SREBF2: variants seen among roughly 807,000 people sequenced by gnomAD.
The protein encoded by SREBF2 is sterol regulatory element binding transcription factor 2, also known as sterol regulatory element-binding protein 2.
Under a neutral mutation model 113.1 loss-of-function variants are expected in SREBF2, and 55 were observed. The observed-to-expected ratio is 0.49, with a 90% CI of 0.39 to 0.61. SREBF2 has a LOEUF of 0.61. Among genes scored for constraint, SREBF2 ranks in the 20% least tolerant of loss-of-function variants. The pLI is 0.00. For missense variants in SREBF2, 1,349 were observed against 1,487.4 expected (o/e 0.91, Z 1.53); for synonymous variants, 593 against 605.7 (o/e 0.98, Z 0.31).
At chr22:41,891,733 G>A (rs2077364988) in intron 11 of SREBF2, among the ~76,000 whole-genome samples, 1 of 152,188 alleles carries the variant, frequency 6.6e-6, no homozygotes, top group African/African-American at 2.4e-5. Context: ...CGGCCTGGCA[G>A]CCCCGCCCCT....
At chr22:41,843,691 A>T (rs1222475724) in intron 1 of SREBF2, among the ~76,000 whole-genome samples, 2 of 152,074 alleles carry the variant, frequency 1.3e-5, no homozygotes, top group African/African-American at 4.8e-5. Context: ...TTTATTCAAC[A>T]TGTGTTTATC....
rs1479873492 is a variant in SREBF2 at position 41,906,967 on chromosome 22, A to C, written c.*1307A>C. The C allele has an allele frequency of 1.3e-5, 2 of 152,136 alleles. No homozygotes were observed. Among genetic ancestry groups the C allele is most frequent in the Non-Finnish European group, 2.9e-5 (2 of 68,044 alleles). 9.4% of individuals were successfully genotyped at this position (152,136 alleles called of 1,614,324 possible). A position where few individuals can be genotyped will look rare whatever the true frequency, so the allele number is the denominator to read the frequency against. ...CCCTGCCTCCCTGTGCCTCATCCTCAGGCTGGTTGGAGCAGAGGGTGGGCA... is the reference window on the plus strand; with the variant it reads ...CCCTGCCTCCCTGTGCCTCATCCTCCGGCTGGTTGGAGCAGAGGGTGGGCA... On this transcript the variant is annotated 3_prime_UTR_variant, in exon 19 of 19. Transcript: ENST00000361204.
chr22:41,894,684 G>A, intron 12 of SREBF2, 136 bp from the exon 13 acceptor site: 1 of 809,624 alleles, frequency 1.2e-6, no homozygotes, highest in South Asian at 1.3e-5. Context: ...TAGCACAGTA[G>A]TTCTGGGCTT....
At chr22:41,888,590 C>T (rs755486093) in intron 11 of SREBF2, among the ~76,000 whole-genome samples, 1 of 152,170 alleles carries the variant, frequency 6.6e-6, no homozygotes, top group Non-Finnish European at 1.5e-5. Context: ...TTGGGTGTTT[C>T]TTTGTAGCCT....
chr22:41,905,073 TGC>T (rs1252400648), intron 18 of SREBF2, 99 bp downstream of exon 18: 4 of 1,127,090 alleles, frequency 3.5e-6, no homozygotes, highest in Non-Finnish European at 5.1e-6. Context: ...CTGGCATTGG[TGC>T]CCAGCACACC....
chr22:41,861,578 C>T lies in SREBF2; in HGVS notation c.89-5253C>T, dbSNP rs573373792. 2.0e-5 allele frequency among the ~76,000 whole-genome samples: 3 copies of T among 151,732 alleles called. No individual in the cohort carries two copies. The South Asian group carries it at 6.2e-4, about 32-fold the overall frequency. ...TATTTTTGTTCTTTTCATTTATATG[C>T]TTTCTAAATTTTTCTTTAGTGAATA... On this transcript the variant is annotated intron_variant, in intron 1 of 18. Coordinates refer to ENST00000361204, the MANE Select transcript of SREBF2 (RefSeq NM_004599.4).
chr22:41,838,466 C>T (rs1430496796), intron 1 of SREBF2, among the ~76,000 whole-genome samples: 1 of 127,290 alleles, frequency 7.9e-6, no homozygotes, highest in Non-Finnish European at 1.9e-5. Context: ...GGCTCAGTGG[C>T]TCATGCCTGT....
chr22:41,867,905 C>T (rs1223915976), intron 2 of SREBF2, among the ~76,000 whole-genome samples: 1 of 152,200 alleles, frequency 6.6e-6, no homozygotes, highest in East Asian at 1.9e-4. Context: ...GGCTAGGCGG[C>T]AGCCAGATCT....
In SREBF2 at chr22:41,884,975, C is replaced by G; in HGVS notation, c.2172C>G (p.Leu724=). The G allele has an allele frequency of 1.2e-6, 2 of 1,614,202 alleles. No individual in the cohort carries two copies. Among genetic ancestry groups the G allele is most frequent in the Non-Finnish European group, 1.7e-6 (2 of 1,180,038 alleles). The part of the protein sequence containing the change: ...VEIHLTAAMG[L]KTRCGGKLGF... ...TCCATCTGACTGCTGCCATGGGGCTCAAGACCCGGTGTGGAGGCAAGCTGG... is the reference window on the plus strand; with the variant it reads ...TCCATCTGACTGCTGCCATGGGGCTGAAGACCCGGTGTGGAGGCAAGCTGG... The change falls in exon 11 of 19, where the codon CTC becomes CTG. Residue 724 remains leucine (L), a synonymous_variant. Transcript: ENST00000361204.
chr22:41,868,870 A>G (rs1197336713), intron 3 of SREBF2, 78 bp downstream of exon 3: 1 of 1,525,594 alleles, frequency 6.6e-7, no homozygotes, highest in African/African-American at 1.4e-5. Context: ...TGGTCTACAT[A>G]CTAAGAAGGA....
At chr22:41,843,932 C>T (rs1308780506) in intron 1 of SREBF2, among the ~76,000 whole-genome samples, 4 of 151,310 alleles carry the variant, frequency 2.6e-5, no homozygotes, top group Non-Finnish European at 5.9e-5. Context: ...GGGAGGATCA[C>T]TTGAGCCTAA....
chr22:41,891,674 G>A (rs575771887), intron 11 of SREBF2, among the ~76,000 whole-genome samples: 8 of 152,348 alleles, frequency 5.3e-5, no homozygotes, highest in Non-Finnish European at 1.0e-4. Flanking sequence ...AAACAGCGCT[G>A]CTCCTGTGGG....
chr22:41,840,200 C>T (rs2148339553), intron 1 of SREBF2, among the ~76,000 whole-genome samples: 1 of 152,150 alleles, frequency 6.6e-6, no homozygotes, highest in African/African-American at 2.4e-5. Flanking sequence ...CCTTGTGATC[C>T]ACCCGACTCG....
intron 14 of SREBF2, 84 bp downstream of exon 14, chr22:41,897,245 A>C: frequency 1.2e-6 from 1 of 837,314 alleles, no homozygotes; most frequent in Non-Finnish European, 1.9e-6. Context: ...CCAGGGCGTT[A>C]GGAGTGTAGA....
intron 13 of SREBF2, among the ~76,000 whole-genome samples, chr22:41,895,875 C>T (rs2077411753): frequency 6.6e-6 from 1 of 151,842 alleles, no homozygotes; most frequent in South Asian, 2.1e-4. Context: ...TGCAGTGGCT[C>T]ACGTCTGTAA....
At chr22:41,839,550 G>A (rs1399489398) in intron 1 of SREBF2, among the ~76,000 whole-genome samples, 1 of 152,180 alleles carries the variant, frequency 6.6e-6, no homozygotes, top group African/African-American at 2.4e-5. Flanking sequence ...AGGAAGCAGG[G>A]GTGAGTGGGA....
chr22:41,857,522 C>T (rs1245882380), intron 1 of SREBF2, among the ~76,000 whole-genome samples: 9 of 152,090 alleles, frequency 5.9e-5, no homozygotes, highest in Middle Eastern at 3.2e-3. Context: ...ATGTAATATT[C>T]GGTATATGCA....
chr22:41,882,976 G>A (rs916045529), intron 10 of SREBF2, among the ~76,000 whole-genome samples: 1 of 152,180 alleles, frequency 6.6e-6, no homozygotes, highest in African/African-American at 2.4e-5. Context: ...TTTTTGTGGT[G>A]TGTGTCTGTG....
intron 8 of SREBF2, 110 bp downstream of exon 8, chr22:41,877,531 T>C: frequency 3.1e-6 from 4 of 1,289,290 alleles, no homozygotes; most frequent in Middle Eastern, 2.6e-4. Flanking sequence ...AGGGCTTTTA[T>C]AGTGGGCCCC....
Sources: gnomAD v4.1 joint callset for allele counts (sites outside exome capture counted in the v4.1 genomes callset) on GRCh38, gnomAD v4.1.1 for gene constraint, MANE v1.5 for transcripts, NCBI Gene and HGNC (gene_info 2026-07-23, HGNC 2026-07-21) for gene names.